The following XKR3 variants were observed in gnomAD, a reference collection of about 807,000 sequenced individuals.
XKR3 encodes XK related 3.
A neutral mutation model predicts 40.3 loss-of-function variants in XKR3; 27 were observed. The ratio of observed to expected loss-of-function variants is 0.67; its 90% CI spans 0.49 to 0.92. The LOEUF (loss-of-function observed/expected upper bound fraction) is 0.92. Among genes scored for constraint, XKR3 ranks in the 40% least tolerant of loss-of-function variants. The probability of loss-of-function intolerance (pLI) is 0.00; values close to 1 mark genes in which losing one functional copy is unlikely to be tolerated. For missense variants in XKR3, 472 were observed against 537.6 expected (o/e 0.88, Z 1.21); for synonymous variants, 193 against 195.4 (o/e 0.99, Z 0.10).
chr22:16,801,456 C>A (rs1314434300), intron 2 of XKR3, among the ~76,000 whole-genome samples: 2 of 152,112 alleles, frequency 1.3e-5, no homozygotes, highest in South Asian at 2.1e-4. Flanking sequence ...GCAGGAGTAT[C>A]GCTTGAGCCT....
At chr22:16,805,697 T>G (rs554283056) in intron 2 of XKR3, among the ~76,000 whole-genome samples, 7 of 152,296 alleles carry the variant, frequency 4.6e-5, no homozygotes, top group African/African-American at 1.7e-4. Context: ...ACTTAAAAAC[T>G]TATTACAAAA....
At chr22:16,816,886 CAATA>C (rs2146178325) in intron 1 of XKR3, among the ~76,000 whole-genome samples, 1 of 151,856 alleles carries the variant, frequency 6.6e-6, no homozygotes, top group South Asian at 2.1e-4. Context: ...TTTAAATAAA[CAATA>C]AATAGCATTT....
At chr22:16,815,782 A>G (rs758398392) in intron 1 of XKR3, among the ~76,000 whole-genome samples, 4 of 151,996 alleles carry the variant, frequency 2.6e-5, no homozygotes, top group Non-Finnish European at 5.9e-5. Context: ...TCTCACTACA[A>G]TTGTGATTTG....
chr22:16,803,795 T>C (rs189164686), intron 2 of XKR3, among the ~76,000 whole-genome samples: 9 of 152,328 alleles, frequency 5.9e-5, no homozygotes, highest in African/African-American at 2.2e-4. Context: ...AATCCACCCC[T>C]TGTTTAGCAT....
chr22:16,793,246 A>G (rs2060127799), intron 3 of XKR3, among the ~76,000 whole-genome samples: 1 of 152,188 alleles, frequency 6.6e-6, no homozygotes, highest in Non-Finnish European at 1.5e-5. Context: ...TCCTGACCTC[A>G]GGTGATCTGT....
chr22:16,812,980 C>T (rs1224429027), intron 1 of XKR3, among the ~76,000 whole-genome samples: 1 of 152,008 alleles, frequency 6.6e-6, no homozygotes, highest in Non-Finnish European at 1.5e-5. Context: ...GTATAACAAT[C>T]ACTGTAGAAG....
At position 16,825,351 on chromosome 22, in the gene XKR3, A is replaced by G. The variant is rs1279712397; in HGVS notation, c.-71T>C. Among the ~76,000 whole-genome samples, 5 of 152,078 alleles carry G rather than the reference A, an allele frequency of 3.3e-5. No homozygotes were observed. The highest frequency in any genetic ancestry group is 1.2e-4 in the African/African-American group (5 of 41,392). On this transcript the variant is annotated 5_prime_UTR_variant, in exon 1 of 4. The change abolishes the stop of an existing upstream ORF in the 5' untranslated region. Transcript: ENST00000684488. Reference sequence around the variant, plus strand: ...GTTCAAAAAGTAAATGCTTTTGTTCACCTCTTTAACAGCACCATTTCTGGT... The same window carrying G: ...GTTCAAAAAGTAAATGCTTTTGTTCGCCTCTTTAACAGCACCATTTCTGGT...
chr22:16,798,537 G>A (rs975697291), intron 3 of XKR3, among the ~76,000 whole-genome samples: 1 of 152,148 alleles, frequency 6.6e-6, no homozygotes, highest in African/African-American at 2.4e-5. Context: ...GTTCATTGCT[G>A]CACTATTCAC....
At chr22:16,797,375 G>C (rs2060145755) in intron 3 of XKR3, among the ~76,000 whole-genome samples, 1 of 152,138 alleles carries the variant, frequency 6.6e-6, no homozygotes, top group Non-Finnish European at 1.5e-5. Context: ...TGTAAACAGA[G>C]CAAACAGACA....
intron 1 of XKR3, among the ~76,000 whole-genome samples, chr22:16,817,297 T>G (rs2060237725): frequency 6.6e-6 from 1 of 152,068 alleles, no homozygotes; most frequent in Non-Finnish European, 1.5e-5. Context: ...TTTTTATCCT[T>G]GAGTGTTCCC....
chr22:16,813,274 A>C (rs763152469), intron 1 of XKR3, among the ~76,000 whole-genome samples: 3 of 151,852 alleles, frequency 2.0e-5, no homozygotes, highest in Non-Finnish European at 2.9e-5. Flanking sequence ...GCAGAGGAAG[A>C]CTCTGGCTCA....
At chr22:16,821,531 T>G (rs1397317507) in intron 1 of XKR3, 1 of 152,092 alleles carries the variant, frequency 6.6e-6, no homozygotes, top group African/African-American at 2.4e-5. Flanking sequence ...GAGAATTTTT[T>G]TTTTCATTTG....
chr22:16,794,754 C>T (rs1197363922), intron 3 of XKR3, among the ~76,000 whole-genome samples: 4 of 152,292 alleles, frequency 2.6e-5, no homozygotes, highest in African/African-American at 9.6e-5. Context: ...AATAAAAAGA[C>T]AAACCCAACC....
At chr22:16,812,875 T>C (rs2060218188) in intron 1 of XKR3, among the ~76,000 whole-genome samples, 1 of 152,186 alleles carries the variant, frequency 6.6e-6, no homozygotes, top group East Asian at 1.9e-4. Context: ...TCTGTGGATT[T>C]GCCTATTACA....
chr22:16,809,326 C>A (rs984959208), intron 1 of XKR3, among the ~76,000 whole-genome samples: 2 of 152,228 alleles, frequency 1.3e-5, no homozygotes, highest in Non-Finnish European at 2.9e-5. Context: ...TATGATTGAT[C>A]TTTTTCTCTT....
At chr22:16,799,662 T>G in intron 3 of XKR3, 109 bp downstream of exon 3, 2 of 1,296,782 alleles carry the variant, frequency 1.5e-6, no homozygotes, top group South Asian at 3.2e-5. Context: ...TATAAAAAAT[T>G]TAGTGCAACT....
At chr22:16,809,617 G>A (rs2060204538) in intron 1 of XKR3, among the ~76,000 whole-genome samples, 1 of 152,154 alleles carries the variant, frequency 6.6e-6, no homozygotes, top group Admixed American at 6.5e-5. Flanking sequence ...TTAAACTTCA[G>A]TTGAATATTT....
chr22:16,814,424 T>A (rs2060225031), intron 1 of XKR3, among the ~76,000 whole-genome samples: 2 of 152,118 alleles, frequency 1.3e-5, no homozygotes, highest in South Asian at 4.1e-4. Context: ...TGTGGTAAAT[T>A]TTGAATGGAA....
intron 1 of XKR3, among the ~76,000 whole-genome samples, chr22:16,818,018 T>C (rs1304467949): frequency 6.6e-6 from 1 of 152,198 alleles, no homozygotes; most frequent in Non-Finnish European, 1.5e-5. Flanking sequence ...TCATCTGTTC[T>C]TCATTGACCT....
Sources: allele counts gnomAD v4.1 joint callset (sites outside exome capture counted in the v4.1 genomes callset), GRCh38; gene constraint gnomAD v4.1.1; transcripts MANE v1.5; gene names NCBI Gene and HGNC (gene_info 2026-07-23, HGNC 2026-07-21).